Variants in CRYZL1 observed in about 807,000 individuals in gnomAD.
CRYZL1 encodes the protein crystallin zeta like 1.
A neutral mutation model predicts 50.6 loss-of-function variants in CRYZL1; 34 were observed. The observed-to-expected ratio is 0.67, with a 90% CI of 0.51 to 0.89. CRYZL1 has a LOEUF of 0.89. Among genes scored for constraint, CRYZL1 ranks in the 40% least tolerant of loss-of-function variants. The pLI is 0.00. For synonymous variants in CRYZL1, 125 were observed against 134.3 expected (o/e 0.93, Z 0.48); for missense variants, 354 against 402.3 (o/e 0.88, Z 1.03).
At chr21:33,633,557 G>C (rs960211375) in intron 1 of CRYZL1, 1 of 152,226 alleles carries the variant, frequency 6.6e-6, no homozygotes, top group African/African-American at 2.4e-5. Context: ...TGGGACTATA[G>C]GCACGTGCCA....
chr21:33,641,100 G>A, intron 1 of CRYZL1: 1 of 1,540,524 alleles, frequency 6.5e-7, no homozygotes, highest in East Asian at 2.5e-5. Context: ...TACTCATAAC[G>A]TGGACAGCAG....
intron 10 of CRYZL1, 145 bp downstream of exon 10, chr21:33,597,135 G>C: frequency 1.3e-6 from 1 of 744,528 alleles, no homozygotes; most frequent in Non-Finnish European, 2.2e-6. Context: ...CTCCCATAGT[G>C]CTGGACTCAT....
At chr21:33,593,051 C>CAAAA (rs766943166) in intron 11 of CRYZL1, among the ~76,000 whole-genome samples, 1 of 93,944 alleles carries the variant, frequency 1.1e-5, no homozygotes, top group African/African-American at 4.0e-5. Flanking sequence ...GACTCTATCT[C>CAAAA]AAAAAAAAAA....
At chr21:33,621,503 A>G (rs1009783771) in intron 4 of CRYZL1, among the ~76,000 whole-genome samples, 2 of 150,400 alleles carry the variant, frequency 1.3e-5, no homozygotes, top group East Asian at 4.0e-4. Flanking sequence ...CACCACGCCC[A>G]GCTAATTTTT....
chr21:33,640,155 A>G, intron 1 of CRYZL1: 1 of 1,548,392 alleles, frequency 6.5e-7, no homozygotes, highest in Non-Finnish European at 8.7e-7. Flanking sequence ...TTCTGCTCAT[A>G]AAACTCTCCT....
chr21:33,635,477 A>G (rs187592962), intron 1 of CRYZL1, among the ~76,000 whole-genome samples: 1 of 149,714 alleles, frequency 6.7e-6, no homozygotes, highest in Non-Finnish European at 1.5e-5. Context: ...CCGCCTCCGG[A>G]GTAGCTGGGA....
chr21:33,638,552 T>C (rs1416500631), intron 1 of CRYZL1, among the ~76,000 whole-genome samples: 2 of 152,208 alleles, frequency 1.3e-5, no homozygotes, highest in African/African-American at 4.8e-5. Context: ...GTTATAACAG[T>C]TGAGGATATC....
At chr21:33,631,960 G>A (rs2087142237) in intron 1 of CRYZL1, among the ~76,000 whole-genome samples, 2 of 152,118 alleles carry the variant, frequency 1.3e-5, no homozygotes, top group Admixed American at 1.3e-4. Context: ...AAAGTGAACA[G>A]CCAAGACACC....
At chr21:33,616,672 A>C in intron 5 of CRYZL1, 34 bp downstream of exon 5, 1 of 1,607,716 alleles carries the variant, frequency 6.2e-7, no homozygotes, top group Non-Finnish European at 8.5e-7. Flanking sequence ...GGTAAAATAG[A>C]TGACTTGAAA....
chr21:33,595,453 C>T, intron 11 of CRYZL1: 1 of 1,375,278 alleles, frequency 7.3e-7, no homozygotes, highest in South Asian at 1.2e-5. Context: ...GAGAGACTGC[C>T]TGAGTGTGAT....
At chr21:33,616,038 G>A (rs1005061629) in intron 5 of CRYZL1, among the ~76,000 whole-genome samples, 3 of 151,848 alleles carry the variant, frequency 2.0e-5, no homozygotes, top group Admixed American at 6.6e-5. Context: ...CCACTAACTC[G>A]TCATCTAGCA....
At chr21:33,592,479 G>A (rs550417106) in intron 11 of CRYZL1, among the ~76,000 whole-genome samples, 59 of 152,112 alleles carry the variant, frequency 3.9e-4, no homozygotes, top group South Asian at 1.0e-3. Context: ...CCCTGGATGT[G>A]GAACCCTCAG....
At chr21:33,591,803 T>A (rs2086645214) in intron 11 of CRYZL1, 1 of 152,194 alleles carries the variant, frequency 6.6e-6, no homozygotes, top group African/African-American at 2.4e-5. Flanking sequence ...ACAAAAAAAT[T>A]AAAAATTAGC....
At chr21:33,641,011 A>G (rs1287683251) in intron 1 of CRYZL1, among the ~76,000 whole-genome samples, 1 of 152,194 alleles carries the variant, frequency 6.6e-6, no homozygotes, top group African/African-American at 2.4e-5. Flanking sequence ...CACTTTTTAA[A>G]TGTAGCTACC....
At chr21:33,640,132 T>A (rs2087261066) in intron 1 of CRYZL1, 1 of 1,546,214 alleles carries the variant, frequency 6.5e-7, no homozygotes, top group Non-Finnish European at 8.7e-7. Flanking sequence ...GGCCAATATG[T>A]GTATTTTTGC....
intron 3 of CRYZL1, among the ~76,000 whole-genome samples, chr21:33,623,786 TA>T (rs1156414193): frequency 1.3e-5 from 2 of 151,988 alleles, no homozygotes; most frequent in African/African-American, 4.8e-5. Context: ...AAAAACGGAG[TA>T]AATGGACCTG....
intron 10 of CRYZL1, 38 bp from the exon 11 acceptor site, chr21:33,595,874 G>T: frequency 7.4e-7 from 1 of 1,354,010 alleles, no homozygotes. Context: ...CAATTATTGT[G>T]AGTTTAACAG....
chr21:33,626,597 T>C (rs1237379474), intron 2 of CRYZL1, among the ~76,000 whole-genome samples: 1 of 150,958 alleles, frequency 6.6e-6, no homozygotes, highest in East Asian at 2.0e-4. Flanking sequence ...CTTGGGAGGC[T>C]GAGACAGGAG....
intron 5 of CRYZL1, among the ~76,000 whole-genome samples, chr21:33,615,154 CTTTTT>C (rs10550201): frequency 4.6e-4 from 57 of 123,612 alleles, no homozygotes; most frequent in Admixed American, 2.4e-3. Context: ...TTCTTTCTCT[CTTTTT>C]TTTTTTTTTT....
Sources: allele counts gnomAD v4.1 joint callset (sites outside exome capture counted in the v4.1 genomes callset), GRCh38; gene constraint gnomAD v4.1.1; transcripts MANE v1.5; gene names NCBI Gene and HGNC (gene_info 2026-07-23, HGNC 2026-07-21).